Variants in TENM3 observed in about 807,000 individuals in gnomAD.
The protein encoded by TENM3 is teneurin transmembrane protein 3.
A neutral mutation model predicts 255.1 loss-of-function variants in TENM3; 63 were observed. That is an observed-to-expected ratio of 0.25 (90% CI 0.20 to 0.30). TENM3 has a LOEUF of 0.30. Among genes scored for constraint, TENM3 ranks in the 10% least tolerant of loss-of-function variants. TENM3 has a pLI of 1.00. For synonymous variants in TENM3, 1,306 were observed against 1,322.3 expected (o/e 0.99, Z 0.27); for missense variants, 2,929 against 3,461.1 (o/e 0.85, Z 3.86).
At chr4:182,689,619 C>G (rs1018044711) in intron 12 of TENM3, among the ~76,000 whole-genome samples, 5 of 152,200 alleles carry the variant, frequency 3.3e-5, no homozygotes, top group Non-Finnish European at 7.3e-5. Context: ...GAAATCCATG[C>G]ACAGGCTTCC....
chr4:181,802,539 T>A, the TENM3 span, among the ~76,000 whole-genome samples: 160 of 152,326 alleles, frequency 1.1e-3, no homozygotes, highest in African/African-American at 3.8e-3. Context: ...AGTTTGTAGT[T>A]TGAAAGCAAA....
At chr4:182,747,839 C>A (rs1043810713) in intron 19 of TENM3, among the ~76,000 whole-genome samples, 1 of 152,068 alleles carries the variant, frequency 6.6e-6, no homozygotes, top group Admixed American at 6.6e-5. Flanking sequence ...AATATCACAC[C>A]CCAAGTCCCT....
At chr4:182,515,990 A>G (rs528663681) in intron 3 of TENM3, among the ~76,000 whole-genome samples, 6 of 152,362 alleles carry the variant, frequency 3.9e-5, no homozygotes, top group East Asian at 1.9e-4. Context: ...TGCTACAGCA[A>G]AAAGTTTATT....
the TENM3 span, among the ~76,000 whole-genome samples, chr4:181,551,895 A>C: frequency 8.3e-6 from 1 of 120,122 alleles, no homozygotes; most frequent in South Asian, 3.0e-4. Flanking sequence ...TGTGTATATA[A>C]ATTTTGCCTG....
chr4:182,553,606 A>C (rs554734982), intron 3 of TENM3, among the ~76,000 whole-genome samples: 1 of 152,286 alleles, frequency 6.6e-6, no homozygotes, highest in Non-Finnish European at 1.5e-5. Context: ...ATGAAAGTTT[A>C]TTTTTAAAGA....
the TENM3 span, among the ~76,000 whole-genome samples, chr4:181,610,759 C>T: frequency 3.9e-4 from 59 of 152,138 alleles, no homozygotes; most frequent in South Asian, 1.5e-3. Flanking sequence ...GGTAGGTACT[C>T]AGATGAGCGG....
the TENM3 span, among the ~76,000 whole-genome samples, chr4:181,524,589 A>G: frequency 1.3e-5 from 2 of 152,214 alleles, no homozygotes; most frequent in Non-Finnish European, 2.9e-5. Flanking sequence ...CTGATTAATT[A>G]TCTATGGTTC....
intron 2 of TENM3, among the ~76,000 whole-genome samples, chr4:182,326,159 GT>G (rs1349681721): frequency 4.7e-4 from 72 of 152,372 alleles, no homozygotes; most frequent in African/African-American, 1.7e-3. Flanking sequence ...CGCTCGCGCA[GT>G]GTGTGATGGT....
At chr4:182,285,095 A>G (rs1215357152) in intron 1 of TENM3, among the ~76,000 whole-genome samples, 3 of 152,128 alleles carry the variant, frequency 2.0e-5, no homozygotes, top group Admixed American at 1.3e-4. Flanking sequence ...GTTATCTTCC[A>G]TATCAGTATT....
chr4:182,417,599 T>C (rs1770485243), intron 3 of TENM3, among the ~76,000 whole-genome samples: 1 of 152,168 alleles, frequency 6.6e-6, no homozygotes, highest in South Asian at 2.1e-4. Flanking sequence ...AAGGACTTAG[T>C]ATCTAATAAA....
At chr4:181,698,425 G>T in the TENM3 span, among the ~76,000 whole-genome samples, 18 of 151,602 alleles carry the variant, frequency 1.2e-4, no homozygotes, top group South Asian at 1.5e-3. Flanking sequence ...CTTTTCCATA[G>T]ACATTTCCCA....
chr4:181,487,678 A>T, the TENM3 span, among the ~76,000 whole-genome samples: 4 of 152,248 alleles, frequency 2.6e-5, no homozygotes, highest in African/African-American at 9.6e-5. Context: ...AGACACAAAC[A>T]TTCAGATCAT....
intron 1 of TENM3, among the ~76,000 whole-genome samples, chr4:182,224,772 T>C (rs1238478064): frequency 6.6e-6 from 1 of 151,042 alleles, no homozygotes; most frequent in Non-Finnish European, 1.5e-5. Flanking sequence ...AGTCTCGCTC[T>C]ATCACCCTGG....
intron 1 of TENM3, among the ~76,000 whole-genome samples, chr4:182,163,476 C>G (rs1751497248): frequency 6.6e-6 from 1 of 152,210 alleles, no homozygotes; most frequent in Non-Finnish European, 1.5e-5. Flanking sequence ...CTTTCTGTGT[C>G]AGGTTAAACA....
chr4:182,362,366 G>T (rs1766070411), intron 3 of TENM3, among the ~76,000 whole-genome samples: 1 of 26,048 alleles, frequency 3.8e-5, no homozygotes, highest in East Asian at 1.2e-3. Context: ...GCTGTGGTGG[G>T]CTCTACCCAG....
the TENM3 span, among the ~76,000 whole-genome samples, chr4:181,710,411 G>A: frequency 6.6e-6 from 1 of 152,092 alleles, no homozygotes; most frequent in South Asian, 2.1e-4. Context: ...AGGTATTCCT[G>A]TAAGAAGACC....
At chr4:181,783,252 G>C in the TENM3 span, among the ~76,000 whole-genome samples, 1,076 of 152,230 alleles carry the variant, frequency 7.1e-3, 11 homozygotes, top group African/African-American at 0.024. Flanking sequence ...TTGTGTGGGA[G>C]TCTAAGTCTC....
At chr4:181,595,523 G>A in the TENM3 span, among the ~76,000 whole-genome samples, 2 of 151,690 alleles carry the variant, frequency 1.3e-5, no homozygotes, top group South Asian at 4.2e-4. Flanking sequence ...AGTGTGGTAG[G>A]AGGACCAGCA....
At chr4:182,209,257 C>A (rs13126746) in intron 1 of TENM3, among the ~76,000 whole-genome samples, 2 of 150,604 alleles carry the variant, frequency 1.3e-5, no homozygotes, top group Non-Finnish European at 3.0e-5. Flanking sequence ...CGTGAGCCAC[C>A]GCATCCAGCC....
Sources: gnomAD v4.1 joint callset for allele counts (sites outside exome capture counted in the v4.1 genomes callset) on GRCh38, gnomAD v4.1.1 for gene constraint, MANE v1.5 for transcripts, NCBI Gene and HGNC (gene_info 2026-07-23, HGNC 2026-07-21) for gene names.